The following MBOAT7 variants were observed in gnomAD, a reference collection of about 807,000 sequenced individuals.
MBOAT7 encodes the protein membrane bound acylglycerophosphatidylinositol O-acyltransferase MBOAT7.
In MBOAT7, 40 loss-of-function variants were observed where a neutral mutation model predicts 47.4. The ratio of observed to expected loss-of-function variants is 0.84; its 90% CI spans 0.66 to 1.10. The LOEUF is 1.10. Among genes scored for constraint, MBOAT7 ranks in the 50% least tolerant of loss-of-function variants. The pLI is 0.00. For synonymous variants in MBOAT7, 361 were observed against 292.0 expected (o/e 1.24, Z -2.41); for missense variants, 680 against 655.6 (o/e 1.04, Z -0.41).
chr19:54,174,477 G>C (rs867281029), intron 7 of MBOAT7, 46 bp from the exon 8 acceptor site: 1 of 1,471,508 alleles, frequency 6.8e-7, no homozygotes, highest in Middle Eastern at 2.3e-4. Flanking sequence ...CAGGTCCCCA[G>C]TGCCCACTGC....
In MBOAT7 at chr19:54,178,859, C is replaced by A. The variant is rs2076188195; in HGVS notation, c.937G>T (p.Val313Leu). 2 of 1,613,688 alleles carry A rather than the reference C, an allele frequency of 1.2e-6. No individual in the cohort carries two copies. The highest frequency in any genetic ancestry group is 1.7e-6 in the Non-Finnish European group (2 of 1,180,028). ...DCYSTDFCVRVRDGMRYWNMT... is the reference protein window; with the variant it reads ...DCYSTDFCVRLRDGMRYWNMT... ...TTCCAGTACCGCATGCCATCGCGCA[C>A]CCGCACGCAGAAATCTGTGCTGTAG... Residue 313 changes from valine to leucine, a missense_variant, in exon 7 of 8, where the codon GTG becomes TTG. By Grantham distance (32) the Val-to-Leu change is conservative (BLOSUM62 1). Transcript: ENST00000245615.
intron 6 of MBOAT7, 200 bp from the exon 7 acceptor site, chr19:54,179,141 T>G: frequency 1.5e-6 from 1 of 651,058 alleles, no homozygotes; most frequent in African/African-American, 1.8e-5. Context: ...GTGGGCTGGG[T>G]GGTACAGTCC....
chr19:54,187,304 G>C lies in MBOAT7; in HGVS notation c.207-17C>G. The C allele has an allele frequency of 6.2e-7, 1 of 1,600,274 alleles. No homozygotes were observed. The highest frequency in any genetic ancestry group is 8.5e-7 in the Non-Finnish European group (1 of 1,173,572). ...TGGCAGGAGCTGGGCAAAAGCAGGAGGCGCACTGTGTTGGGCACAGAAGTC... is the reference window on the plus strand; with the variant it reads ...TGGCAGGAGCTGGGCAAAAGCAGGACGCGCACTGTGTTGGGCACAGAAGTC... On this transcript the variant is annotated splice_polypyrimidine_tract_variant and intron_variant, in intron 3 of 7. Transcript: ENST00000245615.
Position 54,174,131 on chromosome 19 carries a change from C to A in MBOAT7, c.1332G>T (p.Gly444=), listed in dbSNP as rs763878395. ...HFLALAALGL[G]LALGGGSPSR... is the part of the protein sequence containing the mutation. ...TGGGGCTGCCCCCACCTAAAGCCAG[C>A]CCCAGCCCCAGGGCTGCCAGGGCCA... is the stretch of plus-strand genomic sequence containing the variant. Residue 444 remains glycine, a synonymous_variant, in exon 8 of 8, where the codon GGG becomes GGT. Transcript: ENST00000245615. 6.9e-6 allele frequency: 11 copies of A among 1,600,258 alleles called. No homozygotes were observed. The South Asian group carries it at 1.2e-4, about 18-fold the overall frequency.
At position 54,174,331 on chromosome 19, in the gene MBOAT7, G is replaced by T. The variant is rs144021940; in HGVS notation, c.1132C>A (p.Arg378=). ...TIPLCLAAEG[R]LESALRGRLS... ...CGCCCCCGCAGGGCTGACTCCAGCC[G>T]GCCCTCGGCAGCCAGGCACAGCGGG... The change falls in exon 8 of 8, where the codon CGG becomes AGG. Residue 378 remains arginine (R), a synonymous_variant. Transcript: ENST00000245615. 6.2e-7 allele frequency: 1 copy of T among 1,613,050 alleles called. No individual in the cohort carries two copies. The highest frequency in any genetic ancestry group is 8.5e-7 in the Non-Finnish European group (1 of 1,179,516).
chr19:54,187,252 G>A lies in MBOAT7; in HGVS notation c.242C>T (p.Ser81Phe). 2 of 1,610,600 alleles carry A rather than the reference G, an allele frequency of 1.2e-6. No homozygotes were observed. Among genetic ancestry groups the A allele is most frequent in the East Asian group, 4.5e-5 (2 of 44,756 alleles). The part of the protein sequence containing the change: ...CHALALAWTF[S>F]YLLFFRALSL... ...GAGGGCTCGGAAGAACAGGAGATAGGAGAAAGTCCAGGCCAGAGCCAGGGC... is the reference window on the plus strand; with the variant it reads ...GAGGGCTCGGAAGAACAGGAGATAGAAGAAAGTCCAGGCCAGAGCCAGGGC... The change falls in exon 4 of 8, where the codon TCC (serine) becomes TTC (phenylalanine). Residue 81 changes from serine (S) to phenylalanine (F), a missense_variant. Ser to Phe is a radical substitution (Grantham distance 155, BLOSUM62 -2). Coordinates refer to ENST00000245615, the MANE Select transcript of MBOAT7 (RefSeq NM_024298.5).
intron 7 of MBOAT7, among the ~76,000 whole-genome samples, chr19:54,175,971 C>T (rs933177687): frequency 9.7e-4 from 148 of 152,336 alleles, no homozygotes; most frequent in Non-Finnish European, 8.7e-4. Flanking sequence ...GATCCACCCG[C>T]CGTGGCCTAC....
Position 54,174,336 on chromosome 19 carries a change from TCGGCAGCCAGGCACAGCGGGA to T in MBOAT7, c.1106_1126del (p.Ile369_Glu376delinsLys). 1 of 1,612,918 alleles carries T rather than the reference TCGGCAGCCAGGCACAGCGGGA, an allele frequency of 6.2e-7. No homozygotes were observed. The highest frequency in any genetic ancestry group is 8.5e-7 in the Non-Finnish European group (1 of 1,179,492). On this transcript the variant is annotated inframe_deletion, in exon 8 of 8. Transcript: ENST00000245615. Reference sequence around the variant, plus strand: ...CCGCAGGGCTGACTCCAGCCGGCCCTCGGCAGCCAGGCACAGCGGGATGGTCAGGAAGCTCAGGTAGTAGCC... The same window carrying T: ...CCGCAGGGCTGACTCCAGCCGGCCCTTGGTCAGGAAGCTCAGGTAGTAGCC...
chr19:54,186,546 C>T lies in MBOAT7; in HGVS notation c.333+615G>A, dbSNP rs528178043. Among the ~76,000 whole-genome samples, 3 of 152,302 alleles carry T rather than the reference C, an allele frequency of 2.0e-5. No homozygotes were observed. The East Asian group carries it at 5.8e-4, about 29-fold the overall frequency. On this transcript the variant is annotated intron_variant, in intron 4 of 7. Coordinates refer to ENST00000245615, the MANE Select transcript of MBOAT7 (RefSeq NM_024298.5). ...GGAACCCAGCCTGCTCCCCTCCACACATCCTGCGGCCTGAAATGCTCCTCC... is the reference window on the plus strand; with the variant it reads ...GGAACCCAGCCTGCTCCCCTCCACATATCCTGCGGCCTGAAATGCTCCTCC...
At chr19:54,185,242 G>C (rs1038061986) in intron 4 of MBOAT7, among the ~76,000 whole-genome samples, 1 of 152,100 alleles carries the variant, frequency 6.6e-6, no homozygotes, top group Non-Finnish European at 1.5e-5. Context: ...ATTTTTTGTA[G>C]AGACAGGGTC....
At chr19:54,185,431 CCTT>C (rs1296594104) in intron 4 of MBOAT7, among the ~76,000 whole-genome samples, 1 of 152,060 alleles carries the variant, frequency 6.6e-6, no homozygotes, top group African/African-American at 2.4e-5. Flanking sequence ...GGGAACGGCT[CCTT>C]CTGCCGGGCT....
chr19:54,180,997 G>A lies in MBOAT7; in HGVS notation c.630C>T (p.His210=). The change falls in exon 6 of 8, where the codon CAC becomes CAT. Residue 210 remains histidine (H), a synonymous_variant. Coordinates refer to ENST00000245615, the MANE Select transcript of MBOAT7 (RefSeq NM_024298.5). The surrounding 1 kb of genome is among the most constrained non-coding windows in gnomAD (Gnocchi z 5.2). The part of the protein sequence containing the change: ...LFGLLFLLSS[H]LFPLEAVRED... ...CGCGCACGGCCTCCAGCGGGAAGAG[G>A]TGAGAGGAGAGCAGGAACAGCAGGC... is the stretch of plus-strand genomic sequence containing the variant. The A allele has an allele frequency of 6.4e-7, 1 of 1,562,342 alleles. No homozygotes were observed. Among genetic ancestry groups the A allele is most frequent in the Non-Finnish European group, 8.7e-7 (1 of 1,153,936 alleles).
intron 7 of MBOAT7, among the ~76,000 whole-genome samples, chr19:54,177,825 T>C (rs539157043): frequency 3.9e-4 from 57 of 146,566 alleles, no homozygotes; most frequent in South Asian, 8.7e-4. Context: ...CTCAAGATGA[T>C]CCACCTGCCT....
chr19:54,182,462 G>A (rs919829382), intron 5 of MBOAT7, among the ~76,000 whole-genome samples: 13 of 150,714 alleles, frequency 8.6e-5, no homozygotes, highest in Non-Finnish European at 1.8e-4. Flanking sequence ...TGCACAACTC[G>A]GTGAATATAC....
chr19:54,174,493 G>C, intron 7 of MBOAT7, 62 bp from the exon 8 acceptor site: 1 of 1,447,626 alleles, frequency 6.9e-7, no homozygotes, highest in Non-Finnish European at 9.1e-7. Flanking sequence ...ACTGCCCCCA[G>C]ATCCAGGAGT....
Position 54,181,024 on chromosome 19 carries a change from G to GC in MBOAT7, c.602_603insG (p.Phe201LeufsTer95). On this transcript the variant is annotated frameshift_variant, in exon 6 of 8. Coordinates refer to ENST00000245615, the MANE Select transcript of MBOAT7 (RefSeq NM_024298.5). LOFTEE classifies it high-confidence loss of function. The stretch of plus-strand genomic sequence containing the variant: ...GAGAGGAGAGCAGGAACAGCAGGCC[G>GC]AAGAGCGGGGCCGGCCAGGCGCGGC... The GC allele has an allele frequency of 6.4e-7, 1 of 1,553,512 alleles. No homozygotes were observed. Among genetic ancestry groups the GC allele is most frequent in the Non-Finnish European group, 8.7e-7 (1 of 1,149,156 alleles).
chr19:54,188,169 T>C (rs567462512), intron 3 of MBOAT7, 48 bp downstream of exon 3: 3 of 1,534,624 alleles, frequency 2.0e-6, no homozygotes, highest in South Asian at 2.5e-5. Flanking sequence ...AACAGGTTGC[T>C]TCCCCCTCTC....
At chr19:54,184,082 C>T (rs533476139) in intron 4 of MBOAT7, among the ~76,000 whole-genome samples, 1 of 152,006 alleles carries the variant, frequency 6.6e-6, no homozygotes, top group Non-Finnish European at 1.5e-5. Flanking sequence ...CTAGTGTCAC[C>T]CCTCAAACAA....
At chr19:54,181,357 CAG>C (rs2076266540) in intron 5 of MBOAT7, among the ~76,000 whole-genome samples, 1 of 151,904 alleles carries the variant, frequency 6.6e-6, no homozygotes, top group Non-Finnish European at 1.5e-5. Context: ...GAGACAGTAA[CAG>C]AAAAACAGAC....
Sources: gnomAD v4.1 joint callset for allele counts (sites outside exome capture counted in the v4.1 genomes callset) on GRCh38, gnomAD v4.1.1 for gene constraint, Gnocchi (gnomAD v3.1) non-coding constraint, MANE v1.5 for transcripts, NCBI Gene and HGNC (gene_info 2026-07-23, HGNC 2026-07-21) for gene names.